The following KCNQ2 variants were observed in gnomAD, a reference collection of about 807,000 sequenced individuals.
KCNQ2 encodes potassium voltage-gated channel subfamily KQT member 2.
A neutral mutation model predicts 84.8 loss-of-function variants in KCNQ2; 14 were observed. The observed-to-expected ratio is 0.17, with a 90% CI of 0.11 to 0.26. The LOEUF is 0.26. Ranked by LOEUF, KCNQ2 falls within the 10% of genes least tolerant of loss-of-function variation. The pLI is 1.00. For synonymous variants in KCNQ2, 599 were observed against 554.1 expected, an observed-to-expected ratio of 1.08 and a Z score of -1.14; for missense variants, 788 against 1,254.0, an observed-to-expected ratio of 0.63 and a Z score of 5.61.
At chr20:63,442,599 A>G (rs1426611237) in intron 4 of KCNQ2, 68 bp from the exon 5 acceptor site, 6 of 1,538,862 alleles carry the variant, frequency 3.9e-6, no homozygotes, top group Non-Finnish European at 5.4e-6. Flanking sequence ...CACCACCAAC[A>G]CCACCACCAT....
chr20:63,439,325 G>A (rs867836377), intron 6 of KCNQ2, among the ~76,000 whole-genome samples: 5 of 152,230 alleles, frequency 3.3e-5, no homozygotes, highest in Middle Eastern at 3.2e-3. Context: ...CTCAGACTAA[G>A]AGGGGCCACC....
At chr20:63,463,776 G>C (rs2082014711) in intron 1 of KCNQ2, 1 of 152,374 alleles carries the variant, frequency 6.6e-6, no homozygotes, top group African/African-American at 2.4e-5. Flanking sequence ...TCCATGGGGA[G>C]GAACAAAACT....
chr20:63,413,610 C>G (rs776968826), intron 14 of KCNQ2, 29 bp from the exon 15 acceptor site: 51 of 1,609,738 alleles, frequency 3.2e-5, no homozygotes, highest in Non-Finnish European at 4.2e-5. Flanking sequence ...GGCTGTGAGC[C>G]CTGGGCCAGA....
chr20:63,420,009 G>T (rs901367083), intron 11 of KCNQ2, among the ~76,000 whole-genome samples: 1 of 152,228 alleles, frequency 6.6e-6, no homozygotes, highest in Non-Finnish European at 1.5e-5. Flanking sequence ...GGCCTCAGAC[G>T]CCGCAGAAGC....
intron 1 of KCNQ2, among the ~76,000 whole-genome samples, chr20:63,456,887 C>G (rs1229103889): frequency 3.3e-5 from 5 of 151,960 alleles, no homozygotes; most frequent in African/African-American, 1.2e-4. Flanking sequence ...GGGCTGGGGA[C>G]CTGGGAGCCC....
In KCNQ2 at chr20:63,446,264, G is replaced by C; in HGVS notation, c.387+483C>G. ...CAGTAGAGGGAGGTGCATTTGGATG[G>C]GGACCAGTCTCCTTGAGGGCCCCCC... On this transcript the variant is annotated intron_variant, in intron 2 of 16. Coordinates refer to ENST00000359125, the MANE Select transcript of KCNQ2 (RefSeq NM_172107.4). The surrounding 1 kb of genome is among the most constrained non-coding windows in gnomAD (Gnocchi z 5.5). The C allele has an allele frequency of 3.9e-6, 1 of 254,388 alleles. No individual in the cohort carries two copies. The highest frequency in any genetic ancestry group is 4.5e-5 in the South Asian group (1 of 22,072). 15.8% of individuals were successfully genotyped at this position (254,388 alleles called of 1,614,324 possible). A position where few individuals can be genotyped will look rare whatever the true frequency, so the allele number is the denominator to read the frequency against.
chr20:63,411,812 T>G, intron 15 of KCNQ2: 1 of 675,046 alleles, frequency 1.5e-6, no homozygotes, highest in Admixed American at 2.5e-5. Flanking sequence ...GGAGGGGCCG[T>G]GGGTCCTTTG....
intron 15 of KCNQ2, among the ~76,000 whole-genome samples, chr20:63,409,467 T>TGCTG (rs2080048111): frequency 6.6e-6 from 1 of 152,238 alleles, no homozygotes; most frequent in Admixed American, 6.5e-5. Flanking sequence ...TCACGGCCAC[T>TGCTG]GCTGGGCTGG....
rs902706909 is a variant in KCNQ2 at position 63,421,450 on chromosome 20, C to T, written c.1248-1778G>A. ...AAGACCCCCAAAGCTTTGTGGGGGA[C>T]CCGTGCAGCTGCACCTCCCCCTGGG... On this transcript the variant is annotated intron_variant, in intron 11 of 16. Transcript: ENST00000359125. 2.6e-5 allele frequency among the ~76,000 whole-genome samples: 4 copies of T among 152,286 alleles called. No individual in the cohort carries two copies. In the East Asian group the frequency reaches 7.8e-4, roughly 30 times the overall value.
In KCNQ2 at chr20:63,401,116, C is replaced by T. The variant is rs546065623; in HGVS notation, c.*5528G>A. 36 of 375,240 alleles carry T rather than the reference C, an allele frequency of 9.6e-5. 1 individual carries two copies. In the South Asian group the frequency reaches 3.1e-3, roughly 32 times the overall value. The allele number at this position is 375,240 out of a possible 1,614,324, so 23.2% of individuals were successfully genotyped here. On this transcript the variant is annotated 3_prime_UTR_variant, in exon 17 of 17. Coordinates refer to ENST00000359125, the MANE Select transcript of KCNQ2 (RefSeq NM_172107.4). ...GGCCCCTGGCCAGAGCCAGTCTCCTCGGCCAGCCAGGGGCACCACGGCAAG... is the reference window on the plus strand; with the variant it reads ...GGCCCCTGGCCAGAGCCAGTCTCCTTGGCCAGCCAGGGGCACCACGGCAAG...
At chr20:63,415,369 C>T (rs1329923790) in intron 12 of KCNQ2, among the ~76,000 whole-genome samples, 16 of 113,462 alleles carry the variant, frequency 1.4e-4, no homozygotes, top group East Asian at 5.6e-4. Context: ...GAGGGGAGGC[C>T]ACGGGGACCG....
At position 63,428,435 on chromosome 20, in the gene KCNQ2, T is replaced by C; in HGVS notation, c.1149A>G (p.Arg383=). The C allele has an allele frequency of 6.3e-7, 1 of 1,587,904 alleles. No homozygotes were observed. The highest frequency in any genetic ancestry group is 8.6e-7 in the Non-Finnish European group (1 of 1,167,498). Reference sequence around the variant, plus strand: ...CCAGCTGGTTCAGCGGGGGGATAAGTCTGGGGCAAGAGAAGGAGAGGGGAG... The same window carrying C: ...CCAGCTGGTTCAGCGGGGGGATAAGCCTGGGGCAAGAGAAGGAGAGGGGAG... The part of the protein sequence containing the change: ...SSQTQTYGAS[R]LIPPLNQLEL... The change falls in exon 10 of 17, where the codon AGA becomes AGG. Residue 383 remains arginine, a splice_region_variant and synonymous_variant. Coordinates refer to ENST00000359125, the MANE Select transcript of KCNQ2 (RefSeq NM_172107.4).
intron 1 of KCNQ2, among the ~76,000 whole-genome samples, chr20:63,455,930 T>C (rs1440040967): frequency 5.6e-5 from 5 of 89,562 alleles, no homozygotes; most frequent in Admixed American, 2.1e-4. Context: ...GCCCCTCTGC[T>C]CACGGGCCCC....
At chr20:63,444,262 C>T (rs1445069826) in intron 4 of KCNQ2, among the ~76,000 whole-genome samples, 1 of 152,212 alleles carries the variant, frequency 6.6e-6, no homozygotes, top group Non-Finnish European at 1.5e-5. Context: ...CAGCGGCCGC[C>T]GCAAGCCGCA....
Position 63,414,842 on chromosome 20 carries a change from G to T in KCNQ2, c.1525+61C>A. On this transcript the variant is annotated intron_variant, in intron 13 of 16. Transcript: ENST00000359125. This position sits in a 1 kb window ranked among gnomAD's most constrained non-coding sequence, Gnocchi z 6.6. ...GCGACGCCACAGGGTGGCCACAGTA[G>T]CGTGGCCACCACATCCATCCCCGGA... 6.6e-7 allele frequency: 1 copy of T among 1,507,082 alleles called. No individual in the cohort carries two copies. The highest frequency in any genetic ancestry group is 9.2e-7 in the Non-Finnish European group (1 of 1,086,156). 93.4% of individuals were successfully genotyped at this position (1,507,082 alleles called of 1,614,324 possible). A position where few individuals can be genotyped will look rare whatever the true frequency, so the allele number is the denominator to read the frequency against.
At chr20:63,462,152 G>A (rs986365833) in intron 1 of KCNQ2, among the ~76,000 whole-genome samples, 1 of 127,224 alleles carries the variant, frequency 7.9e-6, no homozygotes, top group African/African-American at 3.1e-5. Flanking sequence ...GGGCAGCAGG[G>A]AGGAGGCTGC....
Position 63,446,295 on chromosome 20 carries a change from G to A in KCNQ2, c.387+452C>T, listed in dbSNP as rs551738694. 2.8e-5 allele frequency: 7 copies of A among 252,402 alleles called. No individual in the cohort carries two copies. Among genetic ancestry groups the A allele is most frequent in the East Asian group, 1.1e-4 (1 of 8,914 alleles). 15.6% of individuals were successfully genotyped at this position (252,402 alleles called of 1,614,324 possible). On this transcript the variant is annotated intron_variant, in intron 2 of 16. Transcript: ENST00000359125. The surrounding 1 kb of genome is among the most constrained non-coding windows in gnomAD (Gnocchi z 5.5). ...AGTCTCCTTGAGGGCCCCCCACCCC[G>A]TTACCAACAGCAACACAGGAACTGC... is the stretch of plus-strand genomic sequence containing the variant.
At chr20:63,469,713 G>A (rs114024747) in intron 1 of KCNQ2, among the ~76,000 whole-genome samples, 2 of 152,370 alleles carry the variant, frequency 1.3e-5, no homozygotes, top group African/African-American at 4.8e-5. Context: ...CCCCACTCCC[G>A]GCTGCCCCAG....
chr20:63,408,350 A>G lies in KCNQ2; in HGVS notation c.1887+63T>C. The stretch of plus-strand genomic sequence containing the variant: ...CCCAGCCCCTGAAGCCCACACTGCC[A>G]CAGGTTGACGGCAGGCACCACAGCC... On this transcript the variant is annotated intron_variant, in intron 16 of 16. Coordinates refer to ENST00000359125, the MANE Select transcript of KCNQ2 (RefSeq NM_172107.4). The surrounding 1 kb of genome is among the most constrained non-coding windows in gnomAD (Gnocchi z 5.0). The G allele has an allele frequency of 1.9e-6, 3 of 1,590,920 alleles. No homozygotes were observed. The highest frequency in any genetic ancestry group is 1.7e-6 in the Non-Finnish European group (2 of 1,173,020).
Sources: allele counts gnomAD v4.1 joint callset (sites outside exome capture counted in the v4.1 genomes callset), GRCh38; gene constraint gnomAD v4.1.1; non-coding constraint Gnocchi (gnomAD v3.1); transcripts MANE v1.5; gene names NCBI Gene and HGNC (gene_info 2026-07-23, HGNC 2026-07-21).